RFX1: variants seen among roughly 807,000 people sequenced by gnomAD.
RFX1 encodes the protein regulatory factor X1.
Under a neutral mutation model 119.6 loss-of-function variants are expected in RFX1, and 42 were observed. The ratio of observed to expected loss-of-function variants is 0.35; its 90% CI spans 0.27 to 0.45. RFX1 has a LOEUF of 0.45. Among genes scored for constraint, RFX1 ranks in the 20% least tolerant of loss-of-function variants. The pLI, the probability that RFX1 is intolerant of heterozygous loss-of-function variation, is 1.00. For missense variants in RFX1, 1,118 were observed against 1,368.1 expected (o/e 0.82, Z 2.88); for synonymous variants, 628 against 618.5 (o/e 1.02, Z -0.23).
chr19:14,003,433 G>C (rs757892956), intron 1 of RFX1, among the ~76,000 whole-genome samples: 1 of 132,550 alleles, frequency 7.5e-6, no homozygotes, highest in African/African-American at 3.5e-5. Flanking sequence ...CCCAGCAAGC[G>C]AGAAGCAAGT....
At chr19:13,978,938 A>G (rs1974342457) in intron 7 of RFX1, among the ~76,000 whole-genome samples, 1 of 151,622 alleles carries the variant, frequency 6.6e-6, no homozygotes, top group Non-Finnish European at 1.5e-5. Flanking sequence ...CCCGGCTCGT[A>G]ATGGGGCGGC....
chr19:13,976,434 C>T (rs73924064), intron 8 of RFX1, among the ~76,000 whole-genome samples: 2,492 of 152,274 alleles, frequency 0.016, 69 homozygotes, highest in African/African-American at 0.056. Context: ...GGACCCCCGG[C>T]GAGGAGCCCG....
Position 13,963,716 on chromosome 19 carries a change from C to A in RFX1, c.2392G>T (p.Asp798Tyr). ...EQASWVCRCEDRVVQRLEQDF... is the reference protein window; with the variant it reads ...EQASWVCRCEYRVVQRLEQDF... The stretch of plus-strand genomic sequence containing the variant: ...TGCTCCAGCCGCTGCACCACGCGGT[C>A]CTCGCAGCGGCACACCCACGAGGCC... Residue 798 changes from aspartate (D) to tyrosine (Y), a missense_variant, in exon 18 of 21, where the codon GAC (aspartate) becomes TAC (tyrosine). Asp to Tyr is a radical substitution (Grantham distance 160). This residue lies in a region of RFX1 where 68 missense variants were observed against 67.2 expected (regional missense o/e 1.01). Coordinates refer to ENST00000254325, the MANE Select transcript of RFX1 (RefSeq NM_002918.5). 6.2e-7 allele frequency: 1 copy of A among 1,601,398 alleles called. No homozygotes were observed. Among genetic ancestry groups the A allele is most frequent in the Non-Finnish European group, 8.5e-7 (1 of 1,176,078 alleles).
At position 13,979,513 on chromosome 19, in the gene RFX1, C is replaced by T. The variant is rs957730503; in HGVS notation, c.768G>A (p.Ala256=). The change falls in exon 7 of 21, where the codon GCG becomes GCA. Residue 256 remains alanine, a synonymous_variant. Transcript: ENST00000254325. The stretch of plus-strand genomic sequence containing the variant: ...GCGGCTGCACCGGGCCGGGTTTGGG[C>T]GCTTGTGGAGTGGCCTGGACCACAG... ...ERSVVQATPQ[A]PKPGPVQPLT... is the part of the protein sequence containing the mutation. 2.5e-6 allele frequency: 4 copies of T among 1,603,538 alleles called. No individual in the cohort carries two copies. The highest frequency in any genetic ancestry group is 2.3e-5 in the East Asian group (1 of 44,068).
intron 1 of RFX1, among the ~76,000 whole-genome samples, chr19:14,005,838 T>C (rs1296237736): frequency 2.7e-5 from 4 of 147,310 alleles, no homozygotes; most frequent in African/African-American, 1.0e-4. Context: ...TCCCGACATA[T>C]AAAAGCCCCC....
At chr19:13,991,208 G>A (rs1355081231) in intron 2 of RFX1, among the ~76,000 whole-genome samples, 1 of 152,172 alleles carries the variant, frequency 6.6e-6, no homozygotes, top group Non-Finnish European at 1.5e-5. Flanking sequence ...GCTGCCTGAT[G>A]GTACTCTGTC....
chr19:13,967,121 GT>G (rs775619743), intron 12 of RFX1, among the ~76,000 whole-genome samples: 22 of 152,200 alleles, frequency 1.4e-4, no homozygotes, highest in Non-Finnish European at 2.6e-4. Context: ...AGCACCCCAG[GT>G]TGGGGCTAGC....
intron 1 of RFX1, among the ~76,000 whole-genome samples, chr19:14,000,757 C>T (rs1034105057): frequency 3.3e-5 from 5 of 150,616 alleles, no homozygotes; most frequent in Admixed American, 1.3e-4. Context: ...ATGATCACAC[C>T]GCCACACTCC....
In RFX1 at chr19:13,965,794, C is replaced by A. The variant is rs768690001; in HGVS notation, c.1962-17G>T. The stretch of plus-strand genomic sequence containing the variant: ...TCGTCATGTCTGCGGGCACCCACCC[C>A]ACCCCGGGTCACTGGGGTACTCTAT... On this transcript the variant is annotated splice_polypyrimidine_tract_variant and intron_variant, in intron 14 of 20. Coordinates refer to ENST00000254325, the MANE Select transcript of RFX1 (RefSeq NM_002918.5). The surrounding 1 kb of genome is among the most constrained non-coding windows in gnomAD (Gnocchi z 4.7). 3.1e-6 allele frequency: 5 copies of A among 1,612,080 alleles called. No homozygotes were observed. The highest frequency in any genetic ancestry group is 4.2e-6 in the Non-Finnish European group (5 of 1,179,542).
intron 1 of RFX1, among the ~76,000 whole-genome samples, chr19:14,000,698 TG>T (rs1975188602): frequency 6.6e-6 from 1 of 151,930 alleles, no homozygotes; most frequent in Non-Finnish European, 1.5e-5. Flanking sequence ...CTCGGGAGGC[TG>T]GGGTGGGAGA....
Position 13,993,787 on chromosome 19 carries a change from T to C in RFX1, c.57A>G (p.Pro19=). ...LQAAPPPSQP[P]QAPPQAQPQP... ...GGGGCTGGGCTTGTGGCGGGGCCTG[T>C]GGCGGCTGGGATGGTGGCGGGGCTG... The change falls in exon 2 of 21, where the codon CCA becomes CCG. Residue 19 remains proline, a synonymous_variant. Transcript: ENST00000254325. The C allele has an allele frequency of 6.3e-7, 1 of 1,582,198 alleles. No individual in the cohort carries two copies. Among genetic ancestry groups the C allele is most frequent in the South Asian group, 1.2e-5 (1 of 86,496 alleles).
At chr19:13,993,200 TG>T (rs1480619139) in intron 2 of RFX1, among the ~76,000 whole-genome samples, 3 of 151,826 alleles carry the variant, frequency 2.0e-5, no homozygotes, top group African/African-American at 7.3e-5. Context: ...GAGGCTGAGG[TG>T]GAAGGATTGC....
chr19:13,978,212 G>A (rs572965033), intron 7 of RFX1, 126 bp from the exon 8 acceptor site: 70 of 645,290 alleles, frequency 1.1e-4, no homozygotes, highest in African/African-American at 1.0e-3. Flanking sequence ...GGTGGCTTCT[G>A]GACTCTCAAC....
chr19:13,963,153 T>G lies in RFX1; in HGVS notation c.2693A>C (p.Lys898Thr). The G allele has an allele frequency of 6.2e-7, 1 of 1,612,352 alleles. No homozygotes were observed. Among genetic ancestry groups the G allele is most frequent in the African/African-American group, 1.3e-5 (1 of 75,004 alleles). Residue 898 changes from lysine to threonine, a missense_variant, in exon 19 of 21, where the codon AAG (lysine) becomes ACG (threonine). Lys to Thr is a moderately conservative substitution (Grantham distance 78). Transcript: ENST00000254325. ...YLIEHRVAQA[K>T]GETPIAVMGE... ...CATGACGGCGATGGGGGTCTCGCCC[T>G]TGGCCTGGGCTACGCGGTGCTCGAT...
chr19:13,978,132 C>T, intron 7 of RFX1, 46 bp from the exon 8 acceptor site: 2 of 1,433,640 alleles, frequency 1.4e-6, no homozygotes, highest in East Asian at 2.3e-5. Flanking sequence ...TGGGCCAGCT[C>T]CTACGGTTCT....
At position 13,973,061 on chromosome 19, in the gene RFX1, G is replaced by T. The variant is rs758249269; in HGVS notation, c.996C>A (p.Tyr332Ter). The T allele has an allele frequency of 1.2e-6, 2 of 1,601,796 alleles. No homozygotes were observed. The highest frequency in any genetic ancestry group is 1.3e-5 in the African/African-American group (1 of 75,028). ...CCTGGGTGGCCGTGCCTGCGGCCTC[G>T]TAGTAGCTGGTGCTTGCCGTCTGCG... ...LYTQTASTSYYEAAGTATQVS... is the reference protein window; with the variant it reads ...LYTQTASTSY The change falls in exon 9 of 21, where the codon TAC becomes TAA. Residue 332 changes from tyrosine to a stop codon, truncating the protein, a stop_gained. Transcript: ENST00000254325. LOFTEE classifies it high-confidence loss of function.
chr19:13,976,774 G>T (rs1974264445), intron 8 of RFX1, among the ~76,000 whole-genome samples: 1 of 152,142 alleles, frequency 6.6e-6, no homozygotes, highest in Non-Finnish European at 1.5e-5. Context: ...GCCAAGACGG[G>T]AGGATCATTT....
chr19:13,971,954 C>T (rs905244491), intron 9 of RFX1, among the ~76,000 whole-genome samples: 6 of 151,920 alleles, frequency 3.9e-5, no homozygotes, highest in Non-Finnish European at 8.8e-5. Flanking sequence ...CGCAGTGAGC[C>T]GAGATCATGC....
chr19:14,006,201 C>T lies in RFX1; in HGVS notation c.-151G>A, dbSNP rs1265412741. On this transcript the variant is annotated 5_prime_UTR_variant, in exon 1 of 21. Transcript: ENST00000254325. ...GACGTGCTGGGGTCCCCGGGCCGGG[C>T]CTGGGGGGTGGGGGTGGGGGTCGGC... The T allele has an allele frequency of 1.3e-5, 2 of 152,170 alleles. No homozygotes were observed. Among genetic ancestry groups the T allele is most frequent in the African/African-American group, 4.8e-5 (2 of 41,438 alleles). The allele number at this position is 152,170 out of a possible 1,614,324, so 9.4% of individuals were successfully genotyped here.
Sources: gnomAD v4.1 joint callset for allele counts (sites outside exome capture counted in the v4.1 genomes callset) on GRCh38, gnomAD v4.1.1 for gene constraint, gnomAD v4.1.1 regional missense constraint, Gnocchi (gnomAD v3.1) non-coding constraint, MANE v1.5 for transcripts, NCBI Gene and HGNC (gene_info 2026-07-23, HGNC 2026-07-21) for gene names.